Variants in SCUBE2 observed in about 807,000 individuals in gnomAD.
SCUBE2 encodes signal peptide, CUB domain and EGF like domain containing 2, also known as signal peptide, CUB and EGF-like domain-containing protein 2.
A neutral mutation model predicts 125.9 loss-of-function variants in SCUBE2; 114 were observed. That is an observed-to-expected ratio of 0.91 (90% CI 0.78 to 1.06). The LOEUF (loss-of-function observed/expected upper bound fraction) is 1.06. Among genes scored for constraint, SCUBE2 ranks in the 50% least tolerant of loss-of-function variants. SCUBE2 has a pLI of 0.00. For synonymous variants in SCUBE2, 459 were observed against 492.9 expected (o/e 0.93, Z 0.91); for missense variants, 1,255 against 1,301.8 (o/e 0.96, Z 0.55).
chr11:9,089,906 A>T, intron 1 of SCUBE2, 77 bp from the exon 2 acceptor site: 1 of 1,543,628 alleles, frequency 6.5e-7, no homozygotes, highest in Non-Finnish European at 8.8e-7. Context: ...GTCTGGCATC[A>T]TCCTCACCAG....
chr11:9,063,454 A>G (rs1394930166), intron 7 of SCUBE2, among the ~76,000 whole-genome samples: 1 of 152,252 alleles, frequency 6.6e-6, no homozygotes, highest in African/African-American at 2.4e-5. Context: ...GGTTTCACAC[A>G]AAGGATCAAG....
rs555651641 is a variant in SCUBE2 at position 9,061,102 on chromosome 11, A to G, written c.851-578T>C. 1.1e-4 allele frequency among the ~76,000 whole-genome samples: 16 copies of G among 152,294 alleles called. No homozygotes were observed. In the South Asian group the frequency reaches 2.7e-3, roughly 26 times the overall value. ...AAGCCACAATTGTTAAATTGCAACA[A>G]TGGAGATGAGGAACAATAAGCAAAC... On this transcript the variant is annotated intron_variant, in intron 7 of 22. Coordinates refer to ENST00000649792, the MANE Select transcript of SCUBE2 (RefSeq NM_001367977.2).
In SCUBE2 at chr11:9,041,109, C is replaced by T. The variant is rs374262185; in HGVS notation, c.2002+6247G>A. 6.6e-4 allele frequency among the ~76,000 whole-genome samples: 100 copies of T among 152,346 alleles called. 2 individuals are homozygous for T. In the South Asian group the frequency reaches 0.02, roughly 30 times the overall value. On this transcript the variant is annotated intron_variant, in intron 16 of 22. Transcript: ENST00000649792. ...TGAACTTCGCCCAATTGTAAAGATTCTACCTTAAGATGCTAGCCAGTTATT... is the reference window on the plus strand; with the variant it reads ...TGAACTTCGCCCAATTGTAAAGATTTTACCTTAAGATGCTAGCCAGTTATT...
At chr11:9,066,147 C>T (rs764352361) in intron 6 of SCUBE2, among the ~76,000 whole-genome samples, 167 bp from the exon 7 acceptor site, 43 of 152,140 alleles carry the variant, frequency 2.8e-4, no homozygotes, top group African/African-American at 8.7e-4. Flanking sequence ...AGACACAGCC[C>T]GTTAAAGGGC....
At chr11:9,066,024 T>TC in intron 6 of SCUBE2, 44 bp from the exon 7 acceptor site, 1 of 1,348,556 alleles carries the variant, frequency 7.4e-7, no homozygotes, top group Non-Finnish European at 1.1e-6. Context: ...CTGAATGAGT[T>TC]AGATTGCTCA....
chr11:9,027,201 T>G, intron 20 of SCUBE2, 163 bp downstream of exon 20: 1 of 662,790 alleles, frequency 1.5e-6, no homozygotes, highest in Non-Finnish European at 2.6e-6. Flanking sequence ...GTGTGTGGCT[T>G]TCATTTAAAT....
intron 3 of SCUBE2, among the ~76,000 whole-genome samples, chr11:9,076,141 G>GA (rs1861195229): frequency 6.6e-6 from 1 of 152,192 alleles, no homozygotes; most frequent in South Asian, 2.1e-4. Flanking sequence ...GGAGCTTGAT[G>GA]AGAGAGCCAA....
intron 14 of SCUBE2, among the ~76,000 whole-genome samples, chr11:9,049,428 T>C (rs1359999399): frequency 6.6e-6 from 1 of 151,996 alleles, no homozygotes; most frequent in Non-Finnish European, 1.5e-5. Context: ...ATAGTTTTTG[T>C]AGAGATGGGG....
rs778698836 is a variant in SCUBE2, at chr11:9,091,455, AGTG to A, written c.71_73del (p.Pro24del). The A allele has an allele frequency of 7.6e-7, 1 of 1,322,054 alleles. No homozygotes were observed. The highest frequency in any genetic ancestry group is 1.9e-5 in the South Asian group (1 of 52,974). 81.9% of individuals were successfully genotyped at this position (1,322,054 alleles called of 1,614,324 possible). A position where few individuals can be genotyped will look rare whatever the true frequency, so the allele number is the denominator to read the frequency against. On this transcript the variant is annotated inframe_deletion, in exon 1 of 23. Coordinates refer to ENST00000649792, the MANE Select transcript of SCUBE2 (RefSeq NM_001367977.2). This position sits in a 1 kb window ranked among gnomAD's most constrained non-coding sequence, Gnocchi z 8.5. ...CGGGACGGCCCCCGCCAGCAGCAGCAGTGGCGGCAGCAGCAGCAGCAGCAGCAG... is the reference window on the plus strand; with the variant it reads ...CGGGACGGCCCCCGCCAGCAGCAGCAGCGGCAGCAGCAGCAGCAGCAGCAG...
chr11:9,031,886 T>C (rs905790976), intron 17 of SCUBE2, among the ~76,000 whole-genome samples: 1 of 152,178 alleles, frequency 6.6e-6, no homozygotes, highest in Non-Finnish European at 1.5e-5. Flanking sequence ...ATAGATATGA[T>C]GGCATTTCAA....
At chr11:9,084,826 C>T (rs892980285) in intron 2 of SCUBE2, among the ~76,000 whole-genome samples, 10 of 152,218 alleles carry the variant, frequency 6.6e-5, no homozygotes, top group Non-Finnish European at 1.3e-4. Context: ...TCACTGCAAA[C>T]TCCTGGGCTC....
At chr11:9,066,008 C>A (rs1474318672) in intron 6 of SCUBE2, 28 bp from the exon 7 acceptor site, 2 of 1,531,748 alleles carry the variant, frequency 1.3e-6, no homozygotes, top group South Asian at 1.1e-5. Flanking sequence ...GAGCACGGTT[C>A]TCAGACTGAA....
chr11:9,078,059 C>G (rs1161627876), intron 3 of SCUBE2, among the ~76,000 whole-genome samples: 1 of 152,020 alleles, frequency 6.6e-6, no homozygotes, highest in Non-Finnish European at 1.5e-5. Context: ...CCCTCATTGG[C>G]AAGTCAAAGG....
At chr11:9,089,898 C>A in intron 1 of SCUBE2, 69 bp from the exon 2 acceptor site, 3 of 1,567,032 alleles carry the variant, frequency 1.9e-6, no homozygotes, top group Non-Finnish European at 1.7e-6. Flanking sequence ...TCGGCCCTGT[C>A]TGGCATCATC....
Position 9,033,655 on chromosome 11 carries a change from G to A in SCUBE2, c.2144C>T (p.Pro715Leu), listed in dbSNP as rs369634730. 1 of 1,613,968 alleles carries A rather than the reference G, an allele frequency of 6.2e-7. No homozygotes were observed. Among genetic ancestry groups the A allele is most frequent in the African/African-American group, 1.3e-5 (1 of 74,894 alleles). Residue 715 changes from proline to leucine, a missense_variant, in exon 17 of 23, where the codon CCA becomes CTA. Pro to Leu is a moderately conservative substitution (Grantham distance 98). Coordinates refer to ENST00000649792, the MANE Select transcript of SCUBE2 (RefSeq NM_001367977.2). ...ACATTCAGACATATTCCAAGCTTCT[G>A]GGGTCTTCAGGGCCCCAGAATTTCC... ...RPGNSGALKT[P>L]EAWNMSECGG...
At chr11:9,036,335 G>A (rs746479199) in intron 16 of SCUBE2, among the ~76,000 whole-genome samples, 11 of 152,176 alleles carry the variant, frequency 7.2e-5, no homozygotes, top group South Asian at 2.1e-4. Context: ...TTTCCATATC[G>A]CTCTGGTTCC....
intron 16 of SCUBE2, among the ~76,000 whole-genome samples, chr11:9,043,465 T>A (rs1183380166): frequency 5.3e-5 from 6 of 112,812 alleles, no homozygotes; most frequent in Admixed American, 5.0e-4. Flanking sequence ...CTATAATCAT[T>A]TTTTTTTTTT....
At chr11:9,082,822 G>C (rs1444868560) in intron 2 of SCUBE2, among the ~76,000 whole-genome samples, 1 of 152,152 alleles carries the variant, frequency 6.6e-6, no homozygotes, top group African/African-American at 2.4e-5. Flanking sequence ...GCTGGGACTG[G>C]GAATGAGGAT....
chr11:9,087,524 GAAGAGAGAGAGA>G (rs2136002942), intron 2 of SCUBE2, among the ~76,000 whole-genome samples: 1 of 152,160 alleles, frequency 6.6e-6, no homozygotes, highest in Non-Finnish European at 1.5e-5. Context: ...GGGGAGGGGG[GAAGAGAGAGAGA>G]AAGAGAGAGA....
Sources: gnomAD v4.1 joint callset for allele counts (sites outside exome capture counted in the v4.1 genomes callset) on GRCh38, gnomAD v4.1.1 for gene constraint, Gnocchi (gnomAD v3.1) non-coding constraint, MANE v1.5 for transcripts, NCBI Gene and HGNC (gene_info 2026-07-23, HGNC 2026-07-21) for gene names.